IL2: variants seen among roughly 807,000 people sequenced by gnomAD.
IL2 encodes the protein interleukin-2.
In IL2, 3 loss-of-function variants were observed where a neutral mutation model predicts 14.6. That is an observed-to-expected ratio of 0.21 (90% CI 0.09 to 0.53). The LOEUF (loss-of-function observed/expected upper bound fraction) is 0.53, where lower values mean the gene tolerates loss of function less well. Among genes scored for constraint, IL2 ranks in the 20% least tolerant of loss-of-function variants. IL2 has a pLI of 0.95. For missense variants in IL2, 125 were observed against 170.8 expected, an observed-to-expected ratio of 0.73 and a Z score of 1.50; for synonymous variants, 71 against 60.0, an observed-to-expected ratio of 1.18 and a Z score of -0.85.
At position 122,456,602 on chromosome 4, in the gene IL2, A is replaced by C; in HGVS notation, c.-162T>G. On this transcript the variant is annotated 5_prime_UTR_variant, in exon 1 of 4. Coordinates refer to ENST00000226730, the MANE Select transcript of IL2 (RefSeq NM_000586.4). ...TTTTCAAAGACTTTACCTGTCTGAAAAAACATTACCTTCATTTTTCCTCTT... is the reference window on the plus strand; with the variant it reads ...TTTTCAAAGACTTTACCTGTCTGAACAAACATTACCTTCATTTTTCCTCTT... The C allele has an allele frequency of 3.7e-6, 2 of 535,894 alleles. No individual in the cohort carries two copies. Among genetic ancestry groups the C allele is most frequent in the Non-Finnish European group, 6.5e-6 (2 of 308,750 alleles). 33.2% of individuals were successfully genotyped at this position (535,894 alleles called of 1,614,324 possible).
Position 122,451,578 on chromosome 4 carries a change from T to C in IL2, c.*174A>G, listed in dbSNP as rs1797676884. The C allele has an allele frequency of 2.0e-5, 7 of 347,750 alleles. No individual in the cohort carries two copies. The highest frequency in any genetic ancestry group is 1.1e-5 in the Non-Finnish European group (2 of 188,634). The allele number at this position is 347,750 out of a possible 1,614,324, so 21.5% of individuals were successfully genotyped here. On this transcript the variant is annotated 3_prime_UTR_variant, in exon 4 of 4. Coordinates refer to ENST00000226730, the MANE Select transcript of IL2 (RefSeq NM_000586.4). ...TTTTGGGATAAATAAGTGAAACCAT[T>C]TTAGAGCCCCTAGGGCTTACAAAAA...
At chr4:122,453,512 A>G (rs935258364) in intron 3 of IL2, among the ~76,000 whole-genome samples, 198 bp downstream of exon 3, 5 of 151,874 alleles carry the variant, frequency 3.3e-5, no homozygotes, top group Non-Finnish European at 7.4e-5. Flanking sequence ...GGTAGGTGCA[A>G]ACTCAGTAGC....
chr4:122,453,747 A>G lies in IL2; in HGVS notation c.314T>C (p.Leu105Ser). 1.2e-6 allele frequency: 2 copies of G among 1,611,436 alleles called. No homozygotes were observed. The highest frequency in any genetic ancestry group is 1.7e-6 in the Non-Finnish European group (2 of 1,178,318). Residue 105 changes from leucine to serine, a missense_variant, in exon 3 of 4, where the codon TTA becomes TCA. Leu to Ser is a moderately radical substitution (Grantham distance 145, BLOSUM62 -2). Coordinates refer to ENST00000226730, the MANE Select transcript of IL2 (RefSeq NM_000586.4). ...SKNFHLRPRDLISNINVIVLE... is the reference protein window; with the variant it reads ...SKNFHLRPRDSISNINVIVLE... ...AACTATTACGTTGATATTGCTGATT[A>G]AGTCCCTGGGTCTTAAGTGAAAGTT...
chr4:122,453,652 C>T (rs1372161872), intron 3 of IL2, 58 bp downstream of exon 3: 3 of 1,451,594 alleles, frequency 2.1e-6, no homozygotes, highest in Non-Finnish European at 2.8e-6. Flanking sequence ...AAATGTGGTA[C>T]TTTTCCCCCT....
chr4:122,453,625 A>C, intron 3 of IL2, 85 bp downstream of exon 3: 4 of 1,201,910 alleles, frequency 3.3e-6, no homozygotes, highest in Non-Finnish European at 4.7e-6. Flanking sequence ...AAATACCAAA[A>C]ATGTTATGTC....
intron 2 of IL2, 150 bp downstream of exon 2, chr4:122,455,994 G>A (rs1423107459): frequency 8.2e-6 from 4 of 486,938 alleles, no homozygotes; most frequent in African/African-American, 8.0e-5. Context: ...TGTTTTAATA[G>A]AGGCTTCATT....
In IL2 at chr4:122,451,748, A is replaced by G. The variant is rs758867724; in HGVS notation, c.*4T>C. 1 of 1,357,048 alleles carries G rather than the reference A, an allele frequency of 7.4e-7. No homozygotes were observed. Among genetic ancestry groups the G allele is most frequent in the Non-Finnish European group, 1.0e-6 (1 of 995,236 alleles). 84.1% of individuals were successfully genotyped at this position (1,357,048 alleles called of 1,614,324 possible). A position where few individuals can be genotyped will look rare whatever the true frequency, so the allele number is the denominator to read the frequency against. Reference sequence around the variant, plus strand: ...ATATGTTTTAAGTGGGAAGCACTTAATTATCAAGTCAGTGTTGAGATGATG... The same window carrying G: ...ATATGTTTTAAGTGGGAAGCACTTAGTTATCAAGTCAGTGTTGAGATGATG... On this transcript the variant is annotated 3_prime_UTR_variant, in exon 4 of 4. Coordinates refer to ENST00000226730, the MANE Select transcript of IL2 (RefSeq NM_000586.4).
intron 2 of IL2, among the ~76,000 whole-genome samples, chr4:122,454,914 A>C (rs557200491): frequency 6.6e-6 from 1 of 151,934 alleles, no homozygotes; most frequent in South Asian, 2.1e-4. Flanking sequence ...AGGTCAAGAC[A>C]ATACCAATCC....
chr4:122,453,972 G>A (rs1797703647), intron 2 of IL2, 119 bp from the exon 3 acceptor site: 19 of 874,280 alleles, frequency 2.2e-5, no homozygotes, highest in Non-Finnish European at 3.1e-5. Flanking sequence ...TGTTCTCAAT[G>A]TCACTGTAAA....
In IL2 at chr4:122,451,683, T is replaced by C; in HGVS notation, c.*69A>G. The C allele has an allele frequency of 1.9e-6, 1 of 519,036 alleles. No individual in the cohort carries two copies. Among genetic ancestry groups the C allele is most frequent in the East Asian group, 3.5e-5 (1 of 28,684 alleles). The allele number at this position is 519,036 out of a possible 1,614,324, so 32.2% of individuals were successfully genotyped here. A position where few individuals can be genotyped will look rare whatever the true frequency, so the allele number is the denominator to read the frequency against. ...AGGTAGCAAACCATACATTCAACAATAAATATAAAATTTAAATATTTAAAT... is the reference window on the plus strand; with the variant it reads ...AGGTAGCAAACCATACATTCAACAACAAATATAAAATTTAAATATTTAAAT... On this transcript the variant is annotated 3_prime_UTR_variant, in exon 4 of 4. Transcript: ENST00000226730.
At chr4:122,452,998 A>G (rs1279829352) in intron 3 of IL2, among the ~76,000 whole-genome samples, 1 of 151,922 alleles carries the variant, frequency 6.6e-6, no homozygotes, top group East Asian at 1.9e-4. Context: ...ATTCATTTGG[A>G]CACAACTGGA....
intron 3 of IL2, 35 bp from the exon 4 acceptor site, chr4:122,451,897 G>A (rs1210714964): frequency 1.7e-6 from 2 of 1,157,656 alleles, no homozygotes; most frequent in Non-Finnish European, 2.5e-6. Flanking sequence ...TTAAAGTACA[G>A]AGTAGTTTAC....
Position 122,455,232 on chromosome 4 carries a change from A to C in IL2, c.207+912T>G, listed in dbSNP as rs114919185. ...TTTCTGGGCTTGGATTCACCCTGGC[A>C]CAAGCTCTTTCTGGCACCAGATTTT... is the stretch of plus-strand genomic sequence containing the variant. On this transcript the variant is annotated intron_variant, in intron 2 of 3. Transcript: ENST00000226730. Among the ~76,000 whole-genome samples, 452 of 151,864 alleles carry C rather than the reference A, an allele frequency of 3.0e-3. 2 individuals carry two copies. Among genetic ancestry groups the C allele is most frequent in the African/African-American group, 0.011 (439 of 41,496 alleles).
chr4:122,455,357 A>G (rs1015284968), intron 2 of IL2, among the ~76,000 whole-genome samples: 12 of 151,860 alleles, frequency 7.9e-5, no homozygotes, highest in Admixed American at 7.2e-4. Context: ...CTGAATCCAA[A>G]AACAACCTAA....
rs766775701 is a variant in IL2, at chr4:122,456,607, A to G, written c.-167T>C. On this transcript the variant is annotated 5_prime_UTR_variant, in exon 1 of 4. An upstream start codon of the reference 5' UTR is lost. Coordinates refer to ENST00000226730, the MANE Select transcript of IL2 (RefSeq NM_000586.4). ...AAAGACTTTACCTGTCTGAAAAAAC[A>G]TTACCTTCATTTTTCCTCTTCTGAT... 7.6e-6 allele frequency: 4 copies of G among 523,280 alleles called. No homozygotes were observed. The highest frequency in any genetic ancestry group is 1.3e-5 in the Non-Finnish European group (4 of 300,228). 32.4% of individuals were successfully genotyped at this position (523,280 alleles called of 1,614,324 possible). A position where few individuals can be genotyped will look rare whatever the true frequency, so the allele number is the denominator to read the frequency against.
chr4:122,454,676 A>C (rs1283921964), intron 2 of IL2, among the ~76,000 whole-genome samples: 1 of 151,914 alleles, frequency 6.6e-6, no homozygotes, highest in Non-Finnish European at 1.5e-5. Context: ...AGGTAGAGCC[A>C]GAATTAGATT....
intron 3 of IL2, among the ~76,000 whole-genome samples, chr4:122,452,736 A>G (rs541579342): frequency 1.3e-5 from 2 of 152,002 alleles, no homozygotes; most frequent in African/African-American, 2.4e-5. Context: ...CCTCTTAAGC[A>G]TAATTGTTTA....
intron 2 of IL2, among the ~76,000 whole-genome samples, chr4:122,455,282 G>A (rs2069777): frequency 0.049 from 7,452 of 151,888 alleles, 256 homozygotes; most frequent in Non-Finnish European, 0.074. Flanking sequence ...AACTGGCACA[G>A]CTACTAGGTA....
In IL2 at chr4:122,456,174, C is replaced by A; in HGVS notation, c.177G>T (p.Met59Ile). Residue 59 changes from methionine to isoleucine, a missense_variant, in exon 2 of 4, where the codon ATG (methionine) becomes ATT (isoleucine). Met to Ile is a conservative substitution (Grantham distance 10). Coordinates refer to ENST00000226730, the MANE Select transcript of IL2 (RefSeq NM_000586.4). ...TGGGCATGTAAAACTTAAATGTGAG[C>A]ATCCTGGTGAGTTTGGGATTCTTGT... Reference protein sequence around the residue: ...NNYKNPKLTRMLTFKFYMPKK... With the variant: ...NNYKNPKLTRILTFKFYMPKK... 6.2e-7 allele frequency: 1 copy of A among 1,608,458 alleles called. No homozygotes were observed.
Sources: gnomAD v4.1 joint callset for allele counts (sites outside exome capture counted in the v4.1 genomes callset) on GRCh38, gnomAD v4.1.1 for gene constraint, MANE v1.5 for transcripts, NCBI Gene and HGNC (gene_info 2026-07-23, HGNC 2026-07-21) for gene names.